The following PCDH15 variants were observed in gnomAD, a reference collection of about 807,000 sequenced individuals.
The protein encoded by PCDH15 is protocadherin related 15.
In PCDH15, 129 loss-of-function variants were observed where a neutral mutation model predicts 178.5. That is an observed-to-expected ratio of 0.72 (90% CI 0.63 to 0.84). The LOEUF (loss-of-function observed/expected upper bound fraction) is 0.84, where lower values mean the gene tolerates loss of function less well. Among genes scored for constraint, PCDH15 ranks in the 40% least tolerant of loss-of-function variants. The pLI, the probability that PCDH15 is intolerant of heterozygous loss-of-function variation, is 0.00. For synonymous variants in PCDH15, 800 were observed against 732.0 expected, an observed-to-expected ratio of 1.09 and a Z score of -1.50; for missense variants, 2,230 against 2,099.9, an observed-to-expected ratio of 1.06 and a Z score of -1.21.
intron 3 of PCDH15, among the ~76,000 whole-genome samples, chr10:54,434,026 T>A (rs2075207693): frequency 6.6e-6 from 1 of 152,128 alleles, no homozygotes; most frequent in Non-Finnish European, 1.5e-5. Flanking sequence ...CCACATCTTG[T>A]GTAGCCCTAG....
intron 13 of PCDH15, among the ~76,000 whole-genome samples, chr10:54,175,702 C>G (rs1271213245): frequency 2.6e-5 from 4 of 152,178 alleles, no homozygotes; most frequent in South Asian, 4.1e-4. Flanking sequence ...CCTCCCAATT[C>G]TATTGTCTTT....
chr10:54,454,175 A>G (rs1279131196), intron 3 of PCDH15, among the ~76,000 whole-genome samples: 1 of 149,462 alleles, frequency 6.7e-6, no homozygotes, highest in Non-Finnish European at 1.5e-5. Flanking sequence ...AAATGTAAAT[A>G]TATGCATATA....
intron 3 of PCDH15, among the ~76,000 whole-genome samples, chr10:54,489,321 A>C (rs1379431959): frequency 1.3e-5 from 2 of 150,818 alleles, no homozygotes. Flanking sequence ...AAATTTAGAA[A>C]AATACAATTT....
chr10:54,404,824 G>A (rs1361900041), intron 3 of PCDH15, among the ~76,000 whole-genome samples: 1 of 151,976 alleles, frequency 6.6e-6, no homozygotes, highest in African/African-American at 2.4e-5. Flanking sequence ...CCATTAAAAA[G>A]TGGGCAAAGG....
intron 26 of PCDH15, among the ~76,000 whole-genome samples, chr10:53,888,576 G>GTT (rs71004492): frequency 2.3e-4 from 9 of 39,460 alleles, no homozygotes; most frequent in Admixed American, 4.5e-4. Context: ...GATTTTGTCT[G>GTT]TTTTTTTTTT....
intron 37 of PCDH15, chr10:53,809,458 G>C (rs2075786462): frequency 6.2e-7 from 1 of 1,613,810 alleles, no homozygotes; most frequent in Non-Finnish European, 8.5e-7. Flanking sequence ...CTCAGCTGCT[G>C]GTGGTTTTTC....
intron 1 of PCDH15, among the ~76,000 whole-genome samples, chr10:54,691,598 A>G (rs922094748): frequency 2.6e-5 from 4 of 151,538 alleles, no homozygotes; most frequent in Admixed American, 2.6e-4. Flanking sequence ...TGCTGTACTC[A>G]GAGGAGTATT....
intron 2 of PCDH15, among the ~76,000 whole-genome samples, chr10:54,592,666 A>G (rs1455301464): frequency 6.6e-6 from 1 of 152,180 alleles, no homozygotes; most frequent in African/African-American, 2.4e-5. Flanking sequence ...ACTAAAGCAA[A>G]TATCGATTCA....
At chr10:55,008,341 A>G (rs2141841) in intron 2 of PCDH15, among the ~76,000 whole-genome samples, 119,998 of 152,096 alleles carry the variant, frequency 0.79, 47,640 homozygotes, top group African/African-American at 0.87. Context: ...AATCACAGAG[A>G]TAGCATGTGT....
chr10:54,834,813 AT>A (rs1028664932), intron 3 of PCDH15, among the ~76,000 whole-genome samples: 1 of 151,990 alleles, frequency 6.6e-6, no homozygotes, highest in Admixed American at 6.6e-5. Flanking sequence ...GTGAAAATGA[AT>A]TTTTTTTAAA....
At chr10:54,835,414 CTT>C (rs1388824537) in intron 3 of PCDH15, among the ~76,000 whole-genome samples, 2 of 152,150 alleles carry the variant, frequency 1.3e-5, no homozygotes, top group Non-Finnish European at 2.9e-5. Flanking sequence ...CTCCATCTCT[CTT>C]TCTCATACAT....
At chr10:54,192,124 GAA>G (rs1244692513) in intron 11 of PCDH15, among the ~76,000 whole-genome samples, 2 of 119,108 alleles carry the variant, frequency 1.7e-5, no homozygotes, top group African/African-American at 7.7e-5. Flanking sequence ...AAAAAAGAAA[GAA>G]AGAAAGAGAA....
intron 2 of PCDH15, among the ~76,000 whole-genome samples, chr10:55,609,007 T>TAC (rs1491008341): frequency 1.2e-5 from 1 of 83,908 alleles, no homozygotes; most frequent in Non-Finnish European, 2.3e-5. Flanking sequence ...ATATATGTTA[T>TAC]ATATATATAC....
At chr10:54,039,115 A>T (rs2093483614) in intron 18 of PCDH15, among the ~76,000 whole-genome samples, 1 of 152,008 alleles carries the variant, frequency 6.6e-6, no homozygotes, top group Non-Finnish European at 1.5e-5. Context: ...TATTGTCCAT[A>T]TTTTACAGCC....
chr10:54,273,475 G>A (rs1360677299), intron 8 of PCDH15, among the ~76,000 whole-genome samples: 1 of 151,746 alleles, frequency 6.6e-6, no homozygotes. Flanking sequence ...CAGATCAAAA[G>A]ACACAAGATG....
intron 2 of PCDH15, among the ~76,000 whole-genome samples, chr10:54,905,163 CA>C (rs1954698458): frequency 6.6e-6 from 1 of 151,984 alleles, no homozygotes; most frequent in Non-Finnish European, 1.5e-5. Context: ...CTCAGTTGCA[CA>C]GTGCCACATT....
intron 2 of PCDH15, among the ~76,000 whole-genome samples, chr10:55,420,308 GGT>G (rs561867398): frequency 0.27 from 40,788 of 151,194 alleles, 6,684 homozygotes; most frequent in African/African-American, 0.47. Flanking sequence ...AAGCTCATAT[GGT>G]AAAGCTCATA....
At chr10:53,854,989 T>G (rs112584538) in intron 28 of PCDH15, among the ~76,000 whole-genome samples, 1 of 152,032 alleles carries the variant, frequency 6.6e-6, no homozygotes, top group African/African-American at 2.4e-5. Context: ...AGCATTAAAA[T>G]CTTATAAATT....
chr10:55,093,482 A>G (rs1842367686), intron 2 of PCDH15, among the ~76,000 whole-genome samples: 1 of 152,036 alleles, frequency 6.6e-6, no homozygotes, highest in Admixed American at 6.6e-5. Flanking sequence ...CTTTAGTTGA[A>G]TTAGATCCCA....
Sources: allele counts gnomAD v4.1 joint callset (sites outside exome capture counted in the v4.1 genomes callset), GRCh38; gene constraint gnomAD v4.1.1; transcripts MANE v1.5; gene names NCBI Gene and HGNC (gene_info 2026-07-23, HGNC 2026-07-21).